The following CASK variants were observed in gnomAD, a reference collection of about 807,000 sequenced individuals.
The protein encoded by CASK is calcium/calmodulin dependent serine protein kinase.
Under a neutral mutation model 82.9 loss-of-function variants are expected in CASK, and 4 were observed. The observed-to-expected ratio is 0.05, with a 90% CI of 0.02 to 0.11. CASK has a LOEUF of 0.11. CASK is among the 10% of genes least tolerant of loss of function. The pLI, the probability that CASK is intolerant of heterozygous loss-of-function variation, is 1.00. For synonymous variants in CASK, 259 were observed against 253.5 expected, an observed-to-expected ratio of 1.02 and a Z score of -0.20; for missense variants, 358 against 720.9, an observed-to-expected ratio of 0.50 and a Z score of 5.76.
chrX:41,720,924 G>C (rs182767829), intron 5 of CASK, among the ~76,000 whole-genome samples: 2 of 111,511 alleles, frequency 1.8e-5, no homozygotes, highest in Non-Finnish European at 3.8e-5. Context: ...TGAATTTTGG[G>C]GCCAGATTAA....
At position 41,517,000 on chromosome X, in the gene CASK, T is replaced by C. The variant is rs986870400; in HGVS notation, c.*3420A>G. On this transcript the variant is annotated 3_prime_UTR_variant, in exon 27 of 27. Transcript: ENST00000378163. ...GACTAAACTTTTTCAAGAAATAAAC[T>C]TGAAGCCTTAATGAAGAGACAAATA... 5.4e-5 allele frequency: 6 copies of C among 112,077 alleles called. No individual in the cohort carries two copies. The highest frequency in any genetic ancestry group is 1.9e-4 in the African/African-American group (6 of 30,864). 9.2% of individuals were successfully genotyped at this position (112,077 alleles called of 1,213,427 possible). A position where few individuals can be genotyped will look rare whatever the true frequency, so the allele number is the denominator to read the frequency against.
chrX:41,770,237 A>G (rs1180072918), intron 3 of CASK, among the ~76,000 whole-genome samples: 1 of 107,727 alleles, frequency 9.3e-6, no homozygotes, highest in Non-Finnish European at 1.9e-5. Flanking sequence ...AGCCAAAAAT[A>G]ATACAATCTA....
intron 1 of CASK, among the ~76,000 whole-genome samples, chrX:41,906,388 C>T (rs761483223): frequency 1.2e-4 from 13 of 112,384 alleles, no homozygotes; most frequent in South Asian, 3.7e-4. Flanking sequence ...TATTTCACAA[C>T]GAACCTTATC....
At chrX:41,727,529 T>G in intron 5 of CASK, 1 of 1,209,977 alleles carries the variant, frequency 8.3e-7, no homozygotes, top group Non-Finnish European at 1.1e-6. Context: ...GGCATAATCA[T>G]TCCAGTTACC....
chrX:41,529,000 T>G (rs2147080130), intron 25 of CASK, among the ~76,000 whole-genome samples: 1 of 112,308 alleles, frequency 8.9e-6, no homozygotes, highest in Non-Finnish European at 1.9e-5. Flanking sequence ...CTGGGACCAG[T>G]GTAGTCAACC....
intron 15 of CASK, among the ~76,000 whole-genome samples, chrX:41,570,010 C>CTTTTTTTTTTTTT (rs397937722): frequency 4.3e-3 from 303 of 70,579 alleles, no homozygotes; most frequent in East Asian, 0.011. Context: ...TTTCTTTTTT[C>CTTTTTTTTTTTTT]TTTTTTTTTT....
At chrX:41,538,714 G>A (rs1414641689) in intron 22 of CASK, among the ~76,000 whole-genome samples, 1 of 111,781 alleles carries the variant, frequency 8.9e-6, no homozygotes, top group East Asian at 2.8e-4. Context: ...TACTTTCCAG[G>A]TTGAATTTTT....
chrX:41,612,286 G>A (rs1483984912), intron 11 of CASK, among the ~76,000 whole-genome samples: 1 of 110,012 alleles, frequency 9.1e-6, no homozygotes, highest in African/African-American at 3.3e-5. Context: ...CATCGTCTGA[G>A]ATGTGGGGAG....
chrX:41,662,136 C>T (rs569632548), intron 7 of CASK, among the ~76,000 whole-genome samples: 4 of 111,138 alleles, frequency 3.6e-5, no homozygotes, highest in South Asian at 3.8e-4. Context: ...TGAATCTATA[C>T]GGGGGAACAA....
At chrX:41,898,163 T>C (rs1569479355) in intron 1 of CASK, among the ~76,000 whole-genome samples, 1 of 111,626 alleles carries the variant, frequency 9.0e-6, no homozygotes, top group African/African-American at 3.2e-5. Context: ...TATAGGTCTG[T>C]TCAGATTTTC....
At chrX:41,550,036 C>A (rs1158150759) in intron 21 of CASK, among the ~76,000 whole-genome samples, 2 of 109,769 alleles carry the variant, frequency 1.8e-5, no homozygotes, top group Non-Finnish European at 3.8e-5. Flanking sequence ...TGGCAGGCGC[C>A]TGTAATCCCA....
intron 9 of CASK, among the ~76,000 whole-genome samples, chrX:41,630,926 G>A (rs1033642103): frequency 8.9e-6 from 1 of 111,831 alleles, no homozygotes; most frequent in South Asian, 3.7e-4. Flanking sequence ...ATAATTAGGT[G>A]AGATGATTAA....
intron 1 of CASK, among the ~76,000 whole-genome samples, chrX:41,866,150 T>C (rs1392303473): frequency 8.9e-6 from 1 of 112,413 alleles, no homozygotes; most frequent in African/African-American, 3.2e-5. Context: ...CCACCCGTCA[T>C]GGCCCCAGTT....
At chrX:41,784,011 T>C (rs760343694) in intron 3 of CASK, among the ~76,000 whole-genome samples, 1 of 112,455 alleles carries the variant, frequency 8.9e-6, no homozygotes, top group South Asian at 3.7e-4. Flanking sequence ...TGGGTATCTC[T>C]GGGAATACCC....
chrX:41,900,739 CTTTTTT>C (rs759671263), intron 1 of CASK, among the ~76,000 whole-genome samples: 5 of 50,157 alleles, frequency 1.0e-4, no homozygotes, highest in East Asian at 6.9e-4. Context: ...ATTTTGAAAT[CTTTTTT>C]TTTTTTTTTT....
chrX:41,811,750 A>G (rs1367415027), intron 2 of CASK, among the ~76,000 whole-genome samples: 36 of 111,810 alleles, frequency 3.2e-4, no homozygotes, highest in Non-Finnish European at 6.6e-4. Context: ...GAGCAGAACT[A>G]AAGGAAATAG....
At chrX:41,571,068 A>C (rs1273912273) in intron 15 of CASK, 3 of 112,158 alleles carry the variant, frequency 2.7e-5, no homozygotes, top group Non-Finnish European at 3.8e-5. Flanking sequence ...TTGCTTTGCT[A>C]AGACTTTGTT....
intron 1 of CASK, among the ~76,000 whole-genome samples, chrX:41,865,599 G>C (rs1201574188): frequency 9.0e-6 from 1 of 111,440 alleles, no homozygotes; most frequent in Non-Finnish European, 1.9e-5. Context: ...ATTTTGTGGT[G>C]CTTGCTATGA....
In CASK at chrX:41,609,936, A is replaced by G; in HGVS notation, c.1123T>C (p.Phe375Leu). ...EKDLDFLHSVFQDQHLHTLLD... is the reference protein window; with the variant it reads ...EKDLDFLHSVLQDQHLHTLLD... ...AGTGTGTGAAGATGCTGATCCTGGA[A>G]AACACTGTGTAGAAAATCTAGGTCC... is the stretch of plus-strand genomic sequence containing the variant. Residue 375 changes from phenylalanine to leucine, a missense_variant, in exon 12 of 27, where the codon TTC (phenylalanine) becomes CTC (leucine). This residue lies in a region of CASK where 110 missense variants were observed against 218.8 expected (regional missense o/e 0.50). Coordinates refer to ENST00000378163, the MANE Select transcript of CASK (RefSeq NM_001367721.1). The G allele has an allele frequency of 8.3e-7, 1 of 1,208,557 alleles. No homozygotes were observed. Among genetic ancestry groups the G allele is most frequent in the Non-Finnish European group, 1.1e-6 (1 of 892,423 alleles).
Sources: gnomAD v4.1 joint callset for allele counts (sites outside exome capture counted in the v4.1 genomes callset) on GRCh38, gnomAD v4.1.1 for gene constraint, gnomAD v4.1.1 regional missense constraint, MANE v1.5 for transcripts, NCBI Gene and HGNC (gene_info 2026-07-23, HGNC 2026-07-21) for gene names.